Variants in KY observed in about 807,000 individuals in gnomAD.
The protein encoded by KY is kyphoscoliosis peptidase.
A neutral mutation model predicts 76.1 loss-of-function variants in KY; 43 were observed. The ratio of observed to expected loss-of-function variants is 0.57; its 90% CI spans 0.44 to 0.73. KY has a LOEUF of 0.73. Among genes scored for constraint, KY ranks in the 30% least tolerant of loss-of-function variants. The pLI is 0.00. For missense variants in KY, 722 were observed against 828.9 expected (o/e 0.87, Z 1.58); for synonymous variants, 277 against 326.2 (o/e 0.85, Z 1.63).
intron 10 of KY, among the ~76,000 whole-genome samples, chr3:134,605,256 G>A (rs1046751376): frequency 2.6e-5 from 4 of 152,106 alleles, no homozygotes; most frequent in African/African-American, 9.7e-5. Flanking sequence ...TGGCTTCCAG[G>A]GCCACAGGGA....
At position 134,626,735 on chromosome 3, in the gene KY, T is replaced by C. The variant is rs955108423; in HGVS notation, c.400+1021A>G. On this transcript the variant is annotated intron_variant, in intron 5 of 10. Coordinates refer to ENST00000423778, the MANE Select transcript of KY (RefSeq NM_178554.6). ...GCATGGTTTGAGAGGCAATGCCCAC[T>C]TATTGGGGAGCTGACCAATATTTGG... is the stretch of plus-strand genomic sequence containing the variant. 2.6e-5 allele frequency among the ~76,000 whole-genome samples: 4 copies of C among 152,318 alleles called. No individual in the cohort carries two copies. The East Asian group carries it at 7.7e-4, about 29-fold the overall frequency.
At chr3:134,644,566 T>C (rs1309607388) in intron 2 of KY, among the ~76,000 whole-genome samples, 2 of 152,246 alleles carry the variant, frequency 1.3e-5, no homozygotes, top group Non-Finnish European at 2.9e-5. Context: ...CTTCTCTCTA[T>C]AGCTTCCTGC....
chr3:134,627,655 C>T, intron 5 of KY, 101 bp downstream of exon 5: 7 of 1,051,636 alleles, frequency 6.7e-6, no homozygotes, highest in South Asian at 4.0e-5. Flanking sequence ...CCCAGCCTCT[C>T]AGCATAGTGG....
chr3:134,638,331 A>G (rs1035756856), intron 3 of KY, among the ~76,000 whole-genome samples: 1 of 152,182 alleles, frequency 6.6e-6, no homozygotes, highest in Admixed American at 6.5e-5. Context: ...GCCAATCTCT[A>G]ACAGAGAGTA....
chr3:134,615,922 A>G (rs1281859114), intron 8 of KY, among the ~76,000 whole-genome samples: 1 of 152,230 alleles, frequency 6.6e-6, no homozygotes, highest in East Asian at 1.9e-4. Flanking sequence ...GCCAGCTGAC[A>G]TCTGATTGGT....
At chr3:134,617,562 A>G (rs1961788819) in intron 8 of KY, among the ~76,000 whole-genome samples, 1 of 152,276 alleles carries the variant, frequency 6.6e-6, no homozygotes, top group Non-Finnish European at 1.5e-5. Flanking sequence ...ACCAAATGTT[A>G]CCAGTGTTAG....
chr3:134,603,502 TC>T lies in KY; in HGVS notation c.*76del. 7.6e-7 allele frequency: 1 copy of T among 1,324,256 alleles called. No homozygotes were observed. Among genetic ancestry groups the T allele is most frequent in the Non-Finnish European group, 1.0e-6 (1 of 962,826 alleles). The allele number at this position is 1,324,256 out of a possible 1,614,324, so 82.0% of individuals were successfully genotyped here. On this transcript the variant is annotated 3_prime_UTR_variant, in exon 11 of 11. Transcript: ENST00000423778. ...ATGCAGACTCAGTGGTGTCCAGGGC[TC>T]CCTGCACTTCCTTCGAGCCCTCCCT... is the stretch of plus-strand genomic sequence containing the variant.
chr3:134,644,246 A>G (rs1966159534), intron 2 of KY, among the ~76,000 whole-genome samples: 1 of 152,194 alleles, frequency 6.6e-6, no homozygotes, highest in Non-Finnish European at 1.5e-5. Context: ...TGCACGCTAC[A>G]CACGTTCTCT....
At chr3:134,644,968 G>A (rs1238829512) in intron 2 of KY, among the ~76,000 whole-genome samples, 4 of 152,260 alleles carry the variant, frequency 2.6e-5, no homozygotes, top group Admixed American at 2.0e-4. Context: ...GGGAGGCCAG[G>A]ACCGCCTTCT....
intron 3 of KY, among the ~76,000 whole-genome samples, chr3:134,640,276 T>TGGAA (rs1305689644): frequency 6.6e-6 from 1 of 152,120 alleles, no homozygotes; most frequent in Non-Finnish European, 1.5e-5. Context: ...CTGTCCTGTA[T>TGGAA]GGAAGAGACA....
At chr3:134,615,348 GC>G (rs1277044621) in intron 8 of KY, 2 of 87,170 alleles carry the variant, frequency 2.3e-5, no homozygotes, top group Non-Finnish European at 4.4e-5. Flanking sequence ...AGTTCAAGAA[GC>G]TTTTTTTTTT....
chr3:134,619,079 C>T, intron 8 of KY, 69 bp downstream of exon 8: 1 of 1,305,448 alleles, frequency 7.7e-7, no homozygotes, highest in Non-Finnish European at 1.1e-6. Context: ...TGGGCAAAGG[C>T]ACATGGCACT....
chr3:134,635,119 A>G (rs1447001575), intron 3 of KY, among the ~76,000 whole-genome samples: 1 of 152,246 alleles, frequency 6.6e-6, no homozygotes, highest in South Asian at 2.1e-4. Flanking sequence ...TAGCAGCTCT[A>G]TTCATAATCA....
intron 8 of KY, among the ~76,000 whole-genome samples, chr3:134,615,978 C>A (rs1158692866): frequency 6.6e-6 from 1 of 152,186 alleles, no homozygotes; most frequent in Non-Finnish European, 1.5e-5. Context: ...GTAATAAGTG[C>A]CTGGCTTTAT....
chr3:134,618,730 G>A (rs1962038605), intron 8 of KY, among the ~76,000 whole-genome samples: 1 of 152,138 alleles, frequency 6.6e-6, no homozygotes, highest in South Asian at 2.1e-4. Context: ...AATCTTTTCA[G>A]GTGGGAGATC....
At chr3:134,610,146 C>G in intron 9 of KY, 49 bp downstream of exon 9, 1 of 1,566,516 alleles carries the variant, frequency 6.4e-7, no homozygotes, top group East Asian at 2.2e-5. Context: ...CTGGCACATC[C>G]TCCACTTCCA....
At chr3:134,613,752 C>T (rs963315832) in intron 8 of KY, among the ~76,000 whole-genome samples, 1 of 152,156 alleles carries the variant, frequency 6.6e-6, no homozygotes, top group African/African-American at 2.4e-5. Flanking sequence ...ATGAATTGGA[C>T]AAAGAAGGTC....
chr3:134,621,432 T>C (rs1962593777), intron 6 of KY, among the ~76,000 whole-genome samples: 1 of 152,232 alleles, frequency 6.6e-6, no homozygotes, highest in South Asian at 2.1e-4. Flanking sequence ...GGTTAGTGGA[T>C]CTTTGACAAG....
intron 8 of KY, among the ~76,000 whole-genome samples, chr3:134,615,731 A>G (rs1179233693): frequency 6.6e-6 from 1 of 152,158 alleles, no homozygotes; most frequent in Non-Finnish European, 1.5e-5. Flanking sequence ...GTGATAATTT[A>G]AGGTTATCCA....
Sources: allele counts gnomAD v4.1 joint callset (sites outside exome capture counted in the v4.1 genomes callset), GRCh38; gene constraint gnomAD v4.1.1; transcripts MANE v1.5; gene names NCBI Gene and HGNC (gene_info 2026-07-23, HGNC 2026-07-21).